ZFHX3: variants seen among roughly 807,000 people sequenced by gnomAD.
ZFHX3 encodes the protein zinc finger homeobox 3.
In ZFHX3, 42 loss-of-function variants were observed where a neutral mutation model predicts 279.1. The observed-to-expected ratio is 0.15, with a 90% confidence interval of 0.12 to 0.19. ZFHX3 has a LOEUF of 0.19. Ranked by LOEUF, ZFHX3 falls within the 10% of genes least tolerant of loss-of-function variation. The probability of loss-of-function intolerance (pLI) is 1.00; values close to 1 mark genes in which losing one functional copy is unlikely to be tolerated. For synonymous variants in ZFHX3, 2,293 were observed against 1,957.8 expected (o/e 1.17, Z -4.52); for missense variants, 4,981 against 4,754.0 (o/e 1.05, Z -1.40).
intron 1 of ZFHX3, among the ~76,000 whole-genome samples, chr16:73,779,865 G>A (rs949918258): frequency 6.6e-6 from 1 of 151,874 alleles, no homozygotes; most frequent in Non-Finnish European, 1.5e-5. Context: ...TTACAGTCAT[G>A]CACCAGCAAC....
chr16:73,848,074 T>C (rs758123574), intron 1 of ZFHX3, among the ~76,000 whole-genome samples: 21 of 151,996 alleles, frequency 1.4e-4, no homozygotes, highest in Non-Finnish European at 2.8e-4. Context: ...TTATTAGTAG[T>C]AGTATTAATA....
chr16:72,817,064 T>C (rs746526762), intron 5 of ZFHX3, among the ~76,000 whole-genome samples: 3 of 152,248 alleles, frequency 2.0e-5, no homozygotes, highest in East Asian at 1.9e-4. Context: ...TGTAAGCATA[T>C]AGAATAATGA....
At chr16:73,324,630 C>G (rs1391327929) in intron 3 of ZFHX3, among the ~76,000 whole-genome samples, 1 of 152,176 alleles carries the variant, frequency 6.6e-6, no homozygotes, top group East Asian at 1.9e-4. Context: ...GGGTGTGGCA[C>G]CAGCCACTAC....
intron 4 of ZFHX3, among the ~76,000 whole-genome samples, chr16:72,857,419 G>C (rs2143872230): frequency 6.6e-6 from 1 of 152,358 alleles, no homozygotes; most frequent in South Asian, 2.1e-4. Context: ...GAGTGTGGTG[G>C]CTCATGCCTA....
At chr16:73,096,069 C>G (rs1002698957) in intron 7 of ZFHX3, among the ~76,000 whole-genome samples, 4 of 152,098 alleles carry the variant, frequency 2.6e-5, no homozygotes, top group African/African-American at 9.7e-5. Flanking sequence ...AGATGCTGGC[C>G]CCGGGCCAAG....
chr16:73,399,681 G>C (rs1037484336), intron 3 of ZFHX3, among the ~76,000 whole-genome samples: 5 of 152,170 alleles, frequency 3.3e-5, no homozygotes, highest in African/African-American at 1.2e-4. Flanking sequence ...AACAGGAATC[G>C]AGTGCTGTTT....
At chr16:73,037,556 T>C (rs1321871967) in intron 1 of ZFHX3, among the ~76,000 whole-genome samples, 1 of 152,092 alleles carries the variant, frequency 6.6e-6, no homozygotes, top group Non-Finnish European at 1.5e-5. Flanking sequence ...GGCTTGGAGC[T>C]ATATTAAGGC....
intron 3 of ZFHX3, among the ~76,000 whole-genome samples, chr16:72,890,729 A>T (rs2038752907): frequency 6.6e-6 from 1 of 152,244 alleles, no homozygotes; most frequent in Non-Finnish European, 1.5e-5. Flanking sequence ...TTGTTAGATC[A>T]GGGGTTGGCA....
chr16:72,838,502 G>A (rs1426402341), intron 4 of ZFHX3, among the ~76,000 whole-genome samples: 3 of 152,200 alleles, frequency 2.0e-5, no homozygotes, highest in African/African-American at 4.8e-5. Context: ...AAAGTGGCCA[G>A]GGCCTATTAA....
chr16:73,371,768 G>A (rs1357424337), intron 3 of ZFHX3, among the ~76,000 whole-genome samples: 1 of 152,162 alleles, frequency 6.6e-6, no homozygotes, highest in African/African-American at 2.4e-5. Flanking sequence ...TCCACTTCCT[G>A]GTTTATTGCT....
Position 72,800,136 on chromosome 16 carries a change from A to T in ZFHX3, c.3865-7T>A. 6.2e-7 allele frequency: 1 copy of T among 1,608,776 alleles called. No individual in the cohort carries two copies. Among genetic ancestry groups the T allele is most frequent in the Non-Finnish European group, 8.5e-7 (1 of 1,175,066 alleles). On this transcript the variant is annotated splice_polypyrimidine_tract_variant and splice_region_variant and intron_variant, in intron 7 of 9. Coordinates refer to ENST00000268489, the MANE Select transcript of ZFHX3 (RefSeq NM_006885.4). ...CCATCTCAGGGGTGGTCACCTGAGG[A>T]GCAAGAGCAAGGAGAGTCAAATGGA...
intron 1 of ZFHX3, among the ~76,000 whole-genome samples, chr16:73,728,905 G>A (rs555262257): frequency 1.3e-5 from 2 of 151,738 alleles, no homozygotes; most frequent in South Asian, 4.2e-4. Context: ...GGAGCTGTTG[G>A]TTCCTTTACT....
intron 1 of ZFHX3, among the ~76,000 whole-genome samples, chr16:73,011,810 C>T (rs1963929814): frequency 6.6e-6 from 1 of 150,988 alleles, no homozygotes; most frequent in Admixed American, 6.6e-5. Flanking sequence ...ATAATAAATG[C>T]AACCAAAATT....
At chr16:72,887,545 A>G (rs1287366306) in intron 4 of ZFHX3, among the ~76,000 whole-genome samples, 2 of 151,616 alleles carry the variant, frequency 1.3e-5, no homozygotes, top group African/African-American at 2.4e-5. Context: ...AGGGAGTCCA[A>G]CTGTTGTGTG....
At chr16:73,299,753 C>A (rs780030154) in intron 4 of ZFHX3, among the ~76,000 whole-genome samples, 2 of 152,152 alleles carry the variant, frequency 1.3e-5, no homozygotes, top group African/African-American at 2.4e-5. Flanking sequence ...AATCATAGGG[C>A]CTACCATGTT....
chr16:73,874,196 A>T (rs545157429), intron 1 of ZFHX3, among the ~76,000 whole-genome samples: 79 of 152,304 alleles, frequency 5.2e-4, no homozygotes, highest in Admixed American at 9.1e-4. Context: ...GAGTTCACAT[A>T]AGATATATTA....
chr16:73,556,396 A>G (rs1321634120), intron 2 of ZFHX3, among the ~76,000 whole-genome samples: 1 of 152,218 alleles, frequency 6.6e-6, no homozygotes, highest in Non-Finnish European at 1.5e-5. Context: ...ACAATGGTCA[A>G]GTTCTGATTC....
At chr16:73,567,360 C>T (rs1290349937) in intron 2 of ZFHX3, among the ~76,000 whole-genome samples, 3 of 152,216 alleles carry the variant, frequency 2.0e-5, no homozygotes, top group African/African-American at 7.2e-5. Context: ...CACAACTTTT[C>T]TTCCTTTGAA....
At chr16:73,276,092 T>C (rs542605116) in intron 4 of ZFHX3, among the ~76,000 whole-genome samples, 1 of 152,118 alleles carries the variant, frequency 6.6e-6, no homozygotes, top group Non-Finnish European at 1.5e-5. Context: ...TTGTGTAATA[T>C]GAATTCTCTG....
Sources: gnomAD v4.1 joint callset for allele counts (sites outside exome capture counted in the v4.1 genomes callset) on GRCh38, gnomAD v4.1.1 for gene constraint, MANE v1.5 for transcripts, NCBI Gene and HGNC (gene_info 2026-07-23, HGNC 2026-07-21) for gene names.